The following MAP2 variants were observed in gnomAD, a reference collection of about 807,000 sequenced individuals.
The protein encoded by MAP2 is microtubule-associated protein 2.
Under a neutral mutation model 137.6 loss-of-function variants are expected in MAP2, and 14 were observed. That is an observed-to-expected ratio of 0.10 (90% CI 0.07 to 0.16). The LOEUF is 0.16. MAP2 is among the 10% of genes least tolerant of loss of function. MAP2 has a pLI of 1.00. For synonymous variants in MAP2, 786 were observed against 782.3 expected, an observed-to-expected ratio of 1.00 and a Z score of -0.08; for missense variants, 2,088 against 2,191.5, an observed-to-expected ratio of 0.95 and a Z score of 0.94.
chr2:209,438,789 C>T (rs929492969), intron 1 of MAP2, among the ~76,000 whole-genome samples: 3 of 151,542 alleles, frequency 2.0e-5, no homozygotes, highest in South Asian at 2.1e-4. Flanking sequence ...TACGATGACA[C>T]GGCTCTCTGG....
intron 4 of MAP2, among the ~76,000 whole-genome samples, chr2:209,626,128 A>T (rs1279239401): frequency 1.3e-5 from 2 of 152,118 alleles, no homozygotes; most frequent in East Asian, 3.9e-4. Context: ...ATATAAAAAA[A>T]TATTATAGGC....
At chr2:209,613,839 C>A (rs2087956550) in intron 3 of MAP2, among the ~76,000 whole-genome samples, 1 of 152,056 alleles carries the variant, frequency 6.6e-6, no homozygotes, top group South Asian at 2.1e-4. Flanking sequence ...TGATGTAGTC[C>A]CAGACGAGCC....
At chr2:209,502,715 G>A (rs1038848692) in intron 1 of MAP2, among the ~76,000 whole-genome samples, 6 of 152,116 alleles carry the variant, frequency 3.9e-5, no homozygotes, top group Admixed American at 1.3e-4. Flanking sequence ...ACAGTATACA[G>A]TGTTCCCTTT....
intron 5 of MAP2, among the ~76,000 whole-genome samples, chr2:209,675,688 A>G (rs2051047413): frequency 6.6e-6 from 1 of 151,850 alleles, no homozygotes; most frequent in African/African-American, 2.4e-5. Context: ...GTATCCTAAG[A>G]TACAATCCCA....
At chr2:209,616,078 C>G (rs2089235071) in intron 3 of MAP2, among the ~76,000 whole-genome samples, 1 of 152,182 alleles carries the variant, frequency 6.6e-6, no homozygotes, top group Non-Finnish European at 1.5e-5. Context: ...TTCTCCCTCT[C>G]CACGCTTCAA....
chr2:209,671,148 G>A (rs1206093196), intron 5 of MAP2, among the ~76,000 whole-genome samples: 1 of 151,838 alleles, frequency 6.6e-6, no homozygotes, highest in Non-Finnish European at 1.5e-5. Context: ...AAAAAAAGCT[G>A]GTGGGGAAAG....
At chr2:209,579,510 T>A (rs1249005729) in intron 2 of MAP2, 1 of 152,152 alleles carries the variant, frequency 6.6e-6, no homozygotes, top group Non-Finnish European at 1.5e-5. Flanking sequence ...TTCTCGAAAA[T>A]TCTGAGACTA....
intron 2 of MAP2, among the ~76,000 whole-genome samples, chr2:209,520,839 T>C (rs2063170202): frequency 1.3e-5 from 2 of 152,084 alleles, no homozygotes; most frequent in Non-Finnish European, 2.9e-5. Context: ...TTCTATTGTG[T>C]ATTAATTTGA....
intron 2 of MAP2, among the ~76,000 whole-genome samples, chr2:209,563,841 C>T (rs988783636): frequency 1.3e-5 from 2 of 151,520 alleles, no homozygotes; most frequent in Non-Finnish European, 2.9e-5. Flanking sequence ...AAAAAATAAG[C>T]TTTTTTTTTC....
At chr2:209,712,130 G>A (rs1333439079) in intron 13 of MAP2, among the ~76,000 whole-genome samples, 1 of 152,104 alleles carries the variant, frequency 6.6e-6, no homozygotes, top group African/African-American at 2.4e-5. Context: ...CAGCTTTGCA[G>A]GAACCTCTAA....
Position 209,504,060 on chromosome 2 carries a change from C to T in MAP2, c.-221-3532C>T, listed in dbSNP as rs1380062514. Among the ~76,000 whole-genome samples, 4 of 150,428 alleles carry T rather than the reference C, an allele frequency of 2.7e-5. No individual in the cohort carries two copies. The East Asian group carries it at 7.9e-4, about 30-fold the overall frequency. On this transcript the variant is annotated intron_variant, in intron 1 of 15. Coordinates refer to ENST00000682079, the MANE Select transcript of MAP2 (RefSeq NM_001375505.1). ...GCAGTGAGCTGAGATGGTGCCATTG[C>T]ACTCCAGCCTGGTTGACAGAGCAAG...
At position 209,569,973 on chromosome 2, in the gene MAP2, A is replaced by G. The variant is rs1324945729; in HGVS notation, c.-171-10063A>G. ...AGCCTATATTGCACTCATATATTCT[A>G]TATCCTCTGCCAAGATTAAACCAGA... is the stretch of plus-strand genomic sequence containing the variant. On this transcript the variant is annotated intron_variant, in intron 2 of 15. Transcript: ENST00000682079. Among the ~76,000 whole-genome samples, 6 of 151,834 alleles carry G rather than the reference A, an allele frequency of 4.0e-5. 1 individual carries two copies. The highest frequency in any genetic ancestry group is 1.4e-4 in the African/African-American group (6 of 41,432).
intron 4 of MAP2, among the ~76,000 whole-genome samples, chr2:209,641,709 A>G (rs1364198843): frequency 6.6e-6 from 1 of 150,828 alleles, no homozygotes; most frequent in African/African-American, 2.5e-5. Flanking sequence ...TAAAAAAAAG[A>G]AAAAAAAATT....
chr2:209,556,042 CTTTTTTTTTTTTTTTT>C (rs2070532165), intron 2 of MAP2, among the ~76,000 whole-genome samples: 1 of 108,492 alleles, frequency 9.2e-6, no homozygotes, highest in Non-Finnish European at 2.0e-5. Flanking sequence ...TTTTTCTTTT[CTTTTTTTTTTTTTTTT>C]AGAGGCAGCC....
At chr2:209,625,941 A>G (rs925333416) in intron 4 of MAP2, among the ~76,000 whole-genome samples, 1 of 152,156 alleles carries the variant, frequency 6.6e-6, no homozygotes, top group Non-Finnish European at 1.5e-5. Flanking sequence ...AAAGCATAAT[A>G]AAATTATGGA....
chr2:209,440,896 C>G (rs1393235614), intron 1 of MAP2, among the ~76,000 whole-genome samples: 1 of 151,548 alleles, frequency 6.6e-6, no homozygotes, highest in Non-Finnish European at 1.5e-5. Flanking sequence ...AAGTCAGCCA[C>G]CTCACATCCT....
chr2:209,631,054 A>G (rs148558105), intron 4 of MAP2, among the ~76,000 whole-genome samples: 5 of 143,648 alleles, frequency 3.5e-5, no homozygotes, highest in Non-Finnish European at 6.1e-5. Context: ...GAGAGCGAGA[A>G]TAGATGGAAA....
intron 7 of MAP2, among the ~76,000 whole-genome samples, chr2:209,689,754 A>C (rs2058289454): frequency 6.6e-6 from 1 of 152,164 alleles, no homozygotes; most frequent in South Asian, 2.1e-4. Flanking sequence ...CTTTAGTGTC[A>C]AAGAGAATTA....
chr2:209,709,014 T>A (rs79878544), intron 12 of MAP2, among the ~76,000 whole-genome samples: 11,177 of 152,238 alleles, frequency 0.073, 498 homozygotes, highest in Non-Finnish European at 0.1. Flanking sequence ...GTATTTGAAA[T>A]GTCATTCAAA....
Sources: gnomAD v4.1 joint callset for allele counts (sites outside exome capture counted in the v4.1 genomes callset) on GRCh38, gnomAD v4.1.1 for gene constraint, MANE v1.5 for transcripts, NCBI Gene and HGNC (gene_info 2026-07-23, HGNC 2026-07-21) for gene names.